Variants in DPH6 observed in about 807,000 individuals in gnomAD.
DPH6 encodes diphthine--ammonia ligase.
In DPH6, 33 loss-of-function variants were observed where a neutral mutation model predicts 38.2. The ratio of observed to expected loss-of-function variants is 0.86; its 90% CI spans 0.65 to 1.15. DPH6 has a LOEUF of 1.15. Ranked by LOEUF, DPH6 falls within the 50% of genes most tolerant of loss-of-function variation. The pLI is 0.00. For missense variants in DPH6, 325 were observed against 320.0 expected (o/e 1.02, Z -0.12); for synonymous variants, 108 against 103.0 (o/e 1.05, Z -0.30).
At chr15:35,352,219 A>G (rs892785473) in intron 3 of DPH6, among the ~76,000 whole-genome samples, 2 of 152,020 alleles carry the variant, frequency 1.3e-5, no homozygotes, top group African/African-American at 4.8e-5. Flanking sequence ...ATTATTGCTT[A>G]GCTTTTTTTT....
chr15:35,377,959 T>G (rs1308014622), intron 7 of DPH6, among the ~76,000 whole-genome samples: 2 of 152,026 alleles, frequency 1.3e-5, no homozygotes, highest in African/African-American at 4.8e-5. Flanking sequence ...AGTCTCGAAC[T>G]CCTGGCCTCA....
intron 3 of DPH6, among the ~76,000 whole-genome samples, chr15:35,491,743 A>C (rs1210298249): frequency 6.7e-6 from 1 of 149,748 alleles, no homozygotes; most frequent in Non-Finnish European, 1.5e-5. Context: ...AGATATATTA[A>C]TTTACATGTA....
intron 3 of DPH6, among the ~76,000 whole-genome samples, chr15:35,498,943 T>TTA (rs1444101839): frequency 9.2e-6 from 1 of 108,430 alleles, no homozygotes; most frequent in Non-Finnish European, 1.9e-5. Flanking sequence ...CCTCATCTCT[T>TTA]AAAAAAAAAA....
intron 3 of DPH6, chr15:35,299,019 G>A: frequency 1.4e-6 from 1 of 730,344 alleles, no homozygotes. Context: ...AAACTCACGT[G>A]CATCATGTCT....
chr15:35,226,602 T>C (rs559398823), intron 3 of DPH6, among the ~76,000 whole-genome samples: 5 of 152,078 alleles, frequency 3.3e-5, no homozygotes, highest in Non-Finnish European at 7.4e-5. Context: ...ACAAATAAAA[T>C]TAAATACCTA....
chr15:35,380,735 C>T (rs564083353), intron 7 of DPH6, among the ~76,000 whole-genome samples: 39 of 152,206 alleles, frequency 2.6e-4, no homozygotes, highest in African/African-American at 9.4e-4. Context: ...TAAATATGTC[C>T]TCTCCCATAA....
the DPH6 span, among the ~76,000 whole-genome samples, chr15:35,179,620 C>T: frequency 6.6e-6 from 1 of 152,066 alleles, no homozygotes; most frequent in African/African-American, 2.4e-5. Flanking sequence ...CATATATGTG[C>T]ATACAGATAG....
rs531156737 is a variant in DPH6 at position 35,382,681 on chromosome 15, C to CA, written c.568-766dup. Among the ~76,000 whole-genome samples, 642 of 152,036 alleles carry CA rather than the reference C, an allele frequency of 4.2e-3. 2 individuals are homozygous for CA. Among genetic ancestry groups the CA allele is most frequent in the African/African-American group, 0.015 (622 of 41,476 alleles). On this transcript the variant is annotated intron_variant, in intron 6 of 8. Transcript: ENST00000256538. ...TATAAGGCCTTTCCTTAGGCATGAACAAAAAGAAGTCACATACATGTTTAT... is the reference window on the plus strand; with the variant it reads ...TATAAGGCCTTTCCTTAGGCATGAACAAAAAAGAAGTCACATACATGTTTAT...
At chr15:35,533,644 AT>A (rs563176465) in intron 3 of DPH6, among the ~76,000 whole-genome samples, 12 of 151,402 alleles carry the variant, frequency 7.9e-5, no homozygotes, top group Non-Finnish European at 1.5e-4. Flanking sequence ...ATAATAAAAA[AT>A]AATTGTTGTT....
At chr15:35,305,507 T>C (rs1165060188) in intron 3 of DPH6, among the ~76,000 whole-genome samples, 1 of 152,020 alleles carries the variant, frequency 6.6e-6, no homozygotes, top group Admixed American at 6.6e-5. Flanking sequence ...CAATTACCAA[T>C]TTAGGAAGTT....
chr15:35,147,000 C>T, the DPH6 span, among the ~76,000 whole-genome samples: 2 of 152,160 alleles, frequency 1.3e-5, no homozygotes, highest in African/African-American at 2.4e-5. Context: ...GGTTAATATA[C>T]ATTACATATA....
chr15:35,480,013 A>G (rs769664044), intron 3 of DPH6, among the ~76,000 whole-genome samples: 2 of 152,082 alleles, frequency 1.3e-5, no homozygotes, highest in Non-Finnish European at 2.9e-5. Context: ...TTTCAAGTGT[A>G]TCTTTCTGAG....
intron 6 of DPH6, among the ~76,000 whole-genome samples, chr15:35,402,778 G>A (rs567296307): frequency 3.8e-4 from 57 of 151,918 alleles, no homozygotes; most frequent in African/African-American, 1.3e-3. Flanking sequence ...TATATTCCTA[G>A]GAACTTAAGA....
At chr15:35,272,756 A>C (rs1485971415) in intron 3 of DPH6, among the ~76,000 whole-genome samples, 1 of 152,006 alleles carries the variant, frequency 6.6e-6, no homozygotes, top group African/African-American at 2.4e-5. Flanking sequence ...AAAAATAGAA[A>C]AATTAGCTGA....
chr15:35,546,159 TGCGTGCGGCGAGC>T, exon 1 of DPH6: 1 of 1,364,106 alleles, frequency 7.3e-7, no homozygotes, highest in South Asian at 1.9e-5. Context: ...GCAGTGCGCG[TGCGTGCGGCGAGC>T]GCGGGCGGGA....
At chr15:35,522,687 A>G (rs2054939404) in intron 3 of DPH6, among the ~76,000 whole-genome samples, 2 of 152,090 alleles carry the variant, frequency 1.3e-5, no homozygotes, top group African/African-American at 4.8e-5. Context: ...TTTTAAGTAG[A>G]TGCCAAATCT....
At chr15:35,355,565 G>A (rs1409004371) in intron 3 of DPH6, among the ~76,000 whole-genome samples, 1 of 152,204 alleles carries the variant, frequency 6.6e-6, no homozygotes, top group Non-Finnish European at 1.5e-5. Context: ...AGCTGGATAT[G>A]AAATTCTGGG....
intron 3 of DPH6, among the ~76,000 whole-genome samples, chr15:35,510,155 G>A (rs902519587): frequency 3.3e-5 from 5 of 152,200 alleles, no homozygotes; most frequent in African/African-American, 1.2e-4. Context: ...TGAGGCTGCA[G>A]TGAACTGTGA....
chr15:35,348,529 C>T (rs1416767213), intron 3 of DPH6, among the ~76,000 whole-genome samples: 1 of 151,928 alleles, frequency 6.6e-6, no homozygotes, highest in East Asian at 1.9e-4. Context: ...AGTATCATAC[C>T]GTTTTGACTA....
Sources: gnomAD v4.1 joint callset for allele counts (sites outside exome capture counted in the v4.1 genomes callset) on GRCh38, gnomAD v4.1.1 for gene constraint, MANE v1.5 for transcripts, NCBI Gene and HGNC (gene_info 2026-07-23, HGNC 2026-07-21) for gene names.